Variants in ZHX2 observed in about 807,000 individuals in gnomAD.
The protein encoded by ZHX2 is zinc fingers and homeoboxes protein 2.
In ZHX2, 6 loss-of-function variants were observed where a neutral mutation model predicts 21.9. The observed-to-expected ratio is 0.27, with a 90% CI of 0.15 to 0.54. The LOEUF (loss-of-function observed/expected upper bound fraction) is 0.54. ZHX2 is among the 20% of genes least tolerant of loss of function. The pLI is 0.95. For synonymous variants in ZHX2, 434 were observed against 437.1 expected (o/e 0.99, Z 0.09); for missense variants, 908 against 1,090.7 (o/e 0.83, Z 2.36).
At chr8:122,857,118 G>A (rs764039265) in intron 1 of ZHX2, among the ~76,000 whole-genome samples, 30 of 152,028 alleles carry the variant, frequency 2.0e-4, no homozygotes, top group Admixed American at 5.9e-4. Context: ...TCCAGGTCTC[G>A]CTGCAATCTG....
intron 2 of ZHX2, among the ~76,000 whole-genome samples, chr8:122,917,626 G>A (rs1024357112): frequency 1.3e-5 from 2 of 152,176 alleles, no homozygotes; most frequent in Admixed American, 6.5e-5. Flanking sequence ...TCAGGCATAA[G>A]GCCGCAGTCA....
intron 2 of ZHX2, among the ~76,000 whole-genome samples, chr8:122,869,325 G>GT (rs11429003): frequency 0.34 from 48,776 of 144,866 alleles, 8,058 homozygotes; most frequent in East Asian, 0.4. Flanking sequence ...ATCCTTTTTT[G>GT]TTTTTTTTTT....
At chr8:122,936,765 G>A (rs182042986) in intron 2 of ZHX2, among the ~76,000 whole-genome samples, 84 of 152,308 alleles carry the variant, frequency 5.5e-4, no homozygotes, top group African/African-American at 2.0e-3. Context: ...TCAGCTCAGC[G>A]CCCAGGCATG....
intron 3 of ZHX2, among the ~76,000 whole-genome samples, chr8:122,955,688 G>A (rs1382318093): frequency 6.6e-6 from 1 of 152,068 alleles, no homozygotes; most frequent in East Asian, 1.9e-4. Flanking sequence ...AACCCAAAGG[G>A]GAGGGCGTGA....
rs529139074 is a variant in ZHX2 at position 122,784,225 on chromosome 8, A to G, written c.-283+2279A>G. Reference sequence around the variant, plus strand: ...TTGGTGGGATGCTGTACACTTATCAAAAATAATCATGGCAATGTTTGATAA... The same window carrying G: ...TTGGTGGGATGCTGTACACTTATCAGAAATAATCATGGCAATGTTTGATAA... On this transcript the variant is annotated intron_variant, in intron 1 of 3. Coordinates refer to ENST00000314393, the MANE Select transcript of ZHX2 (RefSeq NM_014943.5). Among the ~76,000 whole-genome samples, 36 of 152,356 alleles carry G rather than the reference A, an allele frequency of 2.4e-4. No individual in the cohort carries two copies. The South Asian group carries it at 5.8e-3, about 25-fold the overall frequency.
At chr8:122,843,014 C>T (rs1490123584) in intron 1 of ZHX2, among the ~76,000 whole-genome samples, 4 of 152,208 alleles carry the variant, frequency 2.6e-5, no homozygotes, top group Non-Finnish European at 5.9e-5. Context: ...CTTGGAGAAC[C>T]ATTGCCCCAG....
chr8:122,857,999 A>G (rs571121802), intron 1 of ZHX2, among the ~76,000 whole-genome samples: 1 of 152,328 alleles, frequency 6.6e-6, no homozygotes, highest in East Asian at 1.9e-4. Context: ...GTGAAAGGCT[A>G]CTGTTAGGGA....
intron 2 of ZHX2, among the ~76,000 whole-genome samples, chr8:122,920,032 G>A (rs1820700254): frequency 6.6e-6 from 1 of 152,168 alleles, no homozygotes; most frequent in African/African-American, 2.4e-5. Flanking sequence ...CCAGCACTTT[G>A]GGAGGCTGAG....
intron 1 of ZHX2, among the ~76,000 whole-genome samples, chr8:122,823,699 G>A (rs1365855879): frequency 6.6e-6 from 1 of 152,160 alleles, no homozygotes; most frequent in African/African-American, 2.4e-5. Context: ...TTCAGTTTGG[G>A]AAATGCATAC....
chr8:122,889,478 A>G (rs955770290), intron 2 of ZHX2, among the ~76,000 whole-genome samples: 9 of 152,160 alleles, frequency 5.9e-5, no homozygotes, highest in African/African-American at 2.2e-4. Context: ...CTAATGATTC[A>G]CGATGTTGAG....
chr8:122,861,015 G>A (rs1819153114), intron 1 of ZHX2, among the ~76,000 whole-genome samples: 1 of 132,282 alleles, frequency 7.6e-6, no homozygotes, highest in Admixed American at 8.7e-5. Context: ...CCAGCCTGGA[G>A]ACAGAGCAAG....
intron 1 of ZHX2, among the ~76,000 whole-genome samples, chr8:122,794,325 A>G (rs908911540): frequency 4.0e-5 from 6 of 151,562 alleles, no homozygotes; most frequent in African/African-American, 1.5e-4. Flanking sequence ...TGGAAGGAAT[A>G]CATGTTGTGT....
intron 1 of ZHX2, among the ~76,000 whole-genome samples, chr8:122,818,255 C>T (rs1381377944): frequency 6.6e-6 from 1 of 151,638 alleles, no homozygotes; most frequent in Non-Finnish European, 1.5e-5. Context: ...CAGGCAACAT[C>T]CTTCTCTTTA....
intron 1 of ZHX2, among the ~76,000 whole-genome samples, chr8:122,858,616 A>T (rs1345984010): frequency 2.0e-5 from 3 of 147,632 alleles, no homozygotes; most frequent in Non-Finnish European, 4.5e-5. Context: ...ATTCAGGTTA[A>T]CTCCTTTTTT....
chr8:122,849,757 T>C (rs1182442796), intron 1 of ZHX2, among the ~76,000 whole-genome samples: 2 of 152,184 alleles, frequency 1.3e-5, no homozygotes, highest in Admixed American at 6.5e-5. Flanking sequence ...CATTCATGGG[T>C]TCTGAGGACT....
chr8:122,859,005 G>A (rs141256576), intron 1 of ZHX2, among the ~76,000 whole-genome samples: 30 of 152,292 alleles, frequency 2.0e-4, no homozygotes, highest in Non-Finnish European at 2.2e-4. Context: ...GGCTCCACTC[G>A]GCATGCACTG....
rs78711776 is a variant in ZHX2 at position 122,958,766 on chromosome 8, G to A, written c.*4+4738G>A. ...CATAGCCCAGAACAAACAGAGTGTG[G>A]TCATTTCTTGATTTTGTGTGGGAGT... is the stretch of plus-strand genomic sequence containing the variant. On this transcript the variant is annotated intron_variant, in intron 3 of 3. Transcript: ENST00000314393. 6.3e-3 allele frequency among the ~76,000 whole-genome samples: 959 copies of A among 152,308 alleles called. 8 individuals carry two copies. The highest frequency in any genetic ancestry group is 0.022 in the African/African-American group (906 of 41,562).
Position 122,866,856 on chromosome 8 carries a change from G to A in ZHX2, c.-220+3317G>A, listed in dbSNP as rs375967758. 4.1e-4 allele frequency among the ~76,000 whole-genome samples: 63 copies of A among 152,112 alleles called. 1 individual carries two copies. In the South Asian group the frequency reaches 8.9e-3, roughly 22 times the overall value. ...TTTTTTATTTTTGAGACAGAGTCTC[G>A]CTCTGCCACCCAGGCTGGAGTGCGG... On this transcript the variant is annotated intron_variant, in intron 2 of 3. Coordinates refer to ENST00000314393, the MANE Select transcript of ZHX2 (RefSeq NM_014943.5).
intron 2 of ZHX2, among the ~76,000 whole-genome samples, chr8:122,941,747 A>G (rs1331770655): frequency 2.0e-5 from 3 of 152,168 alleles, no homozygotes; most frequent in African/African-American, 7.2e-5. Flanking sequence ...CTGAATTAGA[A>G]GAAGCCAAGT....
Sources: allele counts gnomAD v4.1 joint callset (sites outside exome capture counted in the v4.1 genomes callset), GRCh38; gene constraint gnomAD v4.1.1; transcripts MANE v1.5; gene names NCBI Gene and HGNC (gene_info 2026-07-23, HGNC 2026-07-21).